The following TMEM178B variants were observed in gnomAD, a reference collection of about 807,000 sequenced individuals.
The protein encoded by TMEM178B is transmembrane protein 178B.
A neutral mutation model predicts 31.0 loss-of-function variants in TMEM178B; 5 were observed. The observed-to-expected ratio is 0.16, with a 90% CI of 0.08 to 0.34. TMEM178B has a LOEUF of 0.34. Among genes scored for constraint, TMEM178B ranks in the 10% least tolerant of loss-of-function variants. The pLI, the probability that TMEM178B is intolerant of heterozygous loss-of-function variation, is 1.00. For missense variants in TMEM178B, 275 were observed against 400.3 expected (o/e 0.69, Z 2.67); for synonymous variants, 164 against 164.0 (o/e 1.00, Z 0.00).
intron 1 of TMEM178B, among the ~76,000 whole-genome samples, chr7:141,107,975 A>C (rs1302287767): frequency 6.6e-6 from 1 of 152,220 alleles, no homozygotes; most frequent in Non-Finnish European, 1.5e-5. Flanking sequence ...TCAAGTGAAG[A>C]AAGTGTTTCC....
chr7:141,199,790 G>A (rs1290205359), intron 1 of TMEM178B, among the ~76,000 whole-genome samples: 3 of 152,172 alleles, frequency 2.0e-5, no homozygotes, highest in Admixed American at 6.5e-5. Context: ...AGTGGCTCAC[G>A]CCTGTAATCC....
At chr7:141,247,968 A>G (rs1321279923) in intron 2 of TMEM178B, among the ~76,000 whole-genome samples, 4 of 151,512 alleles carry the variant, frequency 2.6e-5, no homozygotes, top group Non-Finnish European at 5.9e-5. Flanking sequence ...AGGCCCTGTC[A>G]TGTGTCCTCC....
intron 1 of TMEM178B, among the ~76,000 whole-genome samples, chr7:141,100,771 A>G (rs189505314): frequency 6.6e-6 from 1 of 152,226 alleles, no homozygotes; most frequent in Non-Finnish European, 1.5e-5. Context: ...CTACATATAT[A>G]TGTAGAATGT....
At chr7:141,239,012 A>G (rs950655639) in intron 2 of TMEM178B, among the ~76,000 whole-genome samples, 8 of 152,122 alleles carry the variant, frequency 5.3e-5, no homozygotes, top group Non-Finnish European at 4.4e-5. Context: ...ATTTCACAAT[A>G]ATCATCACAA....
At chr7:141,296,927 G>A (rs2116433093) in intron 2 of TMEM178B, among the ~76,000 whole-genome samples, 1 of 152,314 alleles carries the variant, frequency 6.6e-6, no homozygotes, top group African/African-American at 2.4e-5. Flanking sequence ...TATTACAGTG[G>A]CAACTTGTGT....
At chr7:141,216,970 C>T (rs1797162898) in intron 2 of TMEM178B, among the ~76,000 whole-genome samples, 1 of 152,106 alleles carries the variant, frequency 6.6e-6, no homozygotes, top group Non-Finnish European at 1.5e-5. Flanking sequence ...TGTCACTGGC[C>T]AGTGAGGAGG....
intron 2 of TMEM178B, among the ~76,000 whole-genome samples, chr7:141,347,372 A>G (rs963750950): frequency 3.9e-5 from 6 of 152,098 alleles, no homozygotes; most frequent in African/African-American, 9.7e-5. Context: ...AAGATCAATC[A>G]TTCCCTTGGA....
chr7:141,438,393 C>A (rs1323409093), intron 3 of TMEM178B, among the ~76,000 whole-genome samples: 1 of 152,060 alleles, frequency 6.6e-6, no homozygotes, highest in Non-Finnish European at 1.5e-5. Context: ...AGTGAGTCCA[C>A]TCCTCTTGTG....
intron 1 of TMEM178B, among the ~76,000 whole-genome samples, chr7:141,190,425 T>C (rs1277856520): frequency 3.3e-5 from 5 of 152,096 alleles, no homozygotes; most frequent in African/African-American, 9.6e-5. Flanking sequence ...GAAATCCCCA[T>C]GCTTCAGTCT....
intron 1 of TMEM178B, among the ~76,000 whole-genome samples, chr7:141,181,100 G>A (rs1208384141): frequency 1.3e-5 from 2 of 152,178 alleles, no homozygotes; most frequent in African/African-American, 2.4e-5. Flanking sequence ...AAAAGCCATA[G>A]AAGGTATGAT....
At chr7:141,091,390 T>A (rs1794878030) in intron 1 of TMEM178B, among the ~76,000 whole-genome samples, 1 of 152,128 alleles carries the variant, frequency 6.6e-6, no homozygotes, top group Admixed American at 6.5e-5. Flanking sequence ...AGGAACCCAG[T>A]GGTCTATTTC....
chr7:141,433,775 T>G (rs1245617782), intron 2 of TMEM178B, among the ~76,000 whole-genome samples: 2 of 152,242 alleles, frequency 1.3e-5, no homozygotes, highest in Non-Finnish European at 2.9e-5. Context: ...TATAAGTTGT[T>G]GTTGCAGCTT....
chr7:141,416,319 T>A (rs1338848884), intron 2 of TMEM178B: 2 of 152,718 alleles, frequency 1.3e-5, no homozygotes, highest in Admixed American at 1.3e-4. Flanking sequence ...TGACTCTTTT[T>A]CTTTTCCAGT....
At chr7:141,287,981 T>C (rs1798474665) in intron 2 of TMEM178B, among the ~76,000 whole-genome samples, 1 of 152,208 alleles carries the variant, frequency 6.6e-6, no homozygotes, top group Non-Finnish European at 1.5e-5. Flanking sequence ...TGCTTGTTTT[T>C]TTCCCCCCCA....
chr7:141,501,649 A>C, the TMEM178B span, among the ~76,000 whole-genome samples: 1 of 152,206 alleles, frequency 6.6e-6, no homozygotes, highest in Admixed American at 6.5e-5. Context: ...TCATTTAATC[A>C]GTTGAAGAAA....
At chr7:141,482,541 T>A (rs1802496076), downstream of TMEM178B, among the ~76,000 whole-genome samples, 1 of 152,154 alleles carries the variant, frequency 6.6e-6, no homozygotes, top group African/African-American at 2.4e-5. Flanking sequence ...TGAACCAAAC[T>A]AAAGCCTTCC....
chr7:141,103,928 A>G (rs894281598), intron 1 of TMEM178B, among the ~76,000 whole-genome samples: 20 of 152,168 alleles, frequency 1.3e-4, no homozygotes, highest in African/African-American at 4.8e-4. Flanking sequence ...TCAGGAACCA[A>G]TTCCTCTGCA....
chr7:141,507,190 C>T, the TMEM178B span, among the ~76,000 whole-genome samples: 86 of 152,258 alleles, frequency 5.6e-4, no homozygotes, highest in African/African-American at 2.0e-3. Context: ...AGAACAGTGG[C>T]CCTCTTCTTA....
chr7:141,243,614 C>T (rs139396284), intron 2 of TMEM178B, among the ~76,000 whole-genome samples: 83 of 152,134 alleles, frequency 5.5e-4, no homozygotes, highest in African/African-American at 1.7e-3. Flanking sequence ...CTCGCTGGGC[C>T]TCGGCTTCCT....
Sources: allele counts gnomAD v4.1 joint callset (sites outside exome capture counted in the v4.1 genomes callset), GRCh38; gene constraint gnomAD v4.1.1; transcripts MANE v1.5; gene names NCBI Gene and HGNC (gene_info 2026-07-23, HGNC 2026-07-21).